The following KDM7A variants were observed in gnomAD, a reference collection of about 807,000 sequenced individuals.
KDM7A encodes lysine-specific demethylase 7A.
A neutral mutation model predicts 114.8 loss-of-function variants in KDM7A; 28 were observed. The observed-to-expected ratio is 0.24, with a 90% CI of 0.18 to 0.33. The LOEUF (loss-of-function observed/expected upper bound fraction) is 0.33, where lower values mean the gene tolerates loss of function less well. Ranked by LOEUF, KDM7A falls within the 10% of genes least tolerant of loss-of-function variation. KDM7A has a pLI of 1.00. For synonymous variants in KDM7A, 423 were observed against 397.8 expected, an observed-to-expected ratio of 1.06 and a Z score of -0.75; for missense variants, 942 against 1,142.5, an observed-to-expected ratio of 0.82 and a Z score of 2.53.
chr7:140,127,382 C>A, intron 5 of KDM7A, 60 bp downstream of exon 5: 3 of 1,389,872 alleles, frequency 2.2e-6, no homozygotes, highest in South Asian at 1.2e-5. Context: ...ATAAATACAT[C>A]ATTACACTAC....
intron 1 of KDM7A, among the ~76,000 whole-genome samples, chr7:140,162,276 G>C (rs1350327761): frequency 6.6e-6 from 1 of 151,624 alleles, no homozygotes; most frequent in Non-Finnish European, 1.5e-5. Flanking sequence ...CGGAAGTTGT[G>C]GTGAGCCAAG....
At chr7:140,111,067 G>C (rs757928347) in intron 11 of KDM7A, 28 bp downstream of exon 11, 2 of 1,218,676 alleles carry the variant, frequency 1.6e-6, no homozygotes, top group Middle Eastern at 1.9e-4. Context: ...TAATAATCAA[G>C]CATTTACATG....
chr7:140,095,446 A>G (rs1159864735), intron 17 of KDM7A, among the ~76,000 whole-genome samples: 1 of 152,282 alleles, frequency 6.6e-6, no homozygotes, highest in Non-Finnish European at 1.5e-5. Flanking sequence ...CTTTGAGATC[A>G]GATGGTCCTG....
intron 1 of KDM7A, among the ~76,000 whole-genome samples, chr7:140,161,669 C>T (rs542545424): frequency 1.3e-5 from 2 of 151,774 alleles, no homozygotes; most frequent in South Asian, 2.1e-4. Flanking sequence ...CTCAGCCTCC[C>T]GAGCAGCTGG....
chr7:140,157,613 A>G (rs1794472213), intron 1 of KDM7A, among the ~76,000 whole-genome samples: 1 of 152,104 alleles, frequency 6.6e-6, no homozygotes. Flanking sequence ...GTGATCATGC[A>G]ACAGCACTCC....
intron 1 of KDM7A, among the ~76,000 whole-genome samples, chr7:140,171,251 G>A (rs988857034): frequency 6.6e-6 from 1 of 150,926 alleles, no homozygotes; most frequent in Non-Finnish European, 1.5e-5. Context: ...ACGAGGTCAG[G>A]AGATCGAGAC....
chr7:140,123,132 C>G (rs897653318), intron 7 of KDM7A, among the ~76,000 whole-genome samples: 2 of 152,130 alleles, frequency 1.3e-5, no homozygotes, highest in African/African-American at 4.8e-5. Flanking sequence ...TAAGGAAATG[C>G]AAATCCAAAT....
In KDM7A at chr7:140,126,687, C is replaced by T. The variant is rs764065783; in HGVS notation, c.838G>A (p.Asp280Asn). Residue 280 changes from aspartate to asparagine, a missense_variant, in exon 6 of 20, where the codon GAT (aspartate) becomes AAT (asparagine). Asp to Asn is a conservative substitution (Grantham distance 23, BLOSUM62 1). Transcript: ENST00000397560. The stretch of plus-strand genomic sequence containing the variant: ...GTTCCACCGAAGTCAATGTGGAAAT[C>T]TGTATAGCTGTCTTGAACTCCCATT... ...CLMGVQDSYTDFHIDFGGTSV... is the reference protein window; with the variant it reads ...CLMGVQDSYTNFHIDFGGTSV... 5.6e-6 allele frequency: 9 copies of T among 1,613,508 alleles called. No homozygotes were observed. In the Admixed American group the frequency reaches 1.0e-4, roughly 18 times the overall value.
At chr7:140,144,425 G>A (rs1794317722) in intron 1 of KDM7A, among the ~76,000 whole-genome samples, 1 of 152,156 alleles carries the variant, frequency 6.6e-6, no homozygotes, top group African/African-American at 2.4e-5. Context: ...AAGTCTTCAA[G>A]GGTTCGGATC....
Position 140,176,797 on chromosome 7 carries a change from G to C in KDM7A, c.141C>G (p.Asp47Glu). 7.1e-7 allele frequency: 1 copy of C among 1,416,852 alleles called. No homozygotes were observed. The highest frequency in any genetic ancestry group is 9.4e-7 in the Non-Finnish European group (1 of 1,063,608). 87.8% of individuals were successfully genotyped at this position (1,416,852 alleles called of 1,614,324 possible). ...CGCACTCGATCATGAAGCGGTTCACGTCGTACGGCTGCCGGCACACACAGT... is the reference window on the plus strand; with the variant it reads ...CGCACTCGATCATGAAGCGGTTCACCTCGTACGGCTGCCGGCACACACAGT... ...PVYCVCRQPYDVNRFMIECDI... is the reference protein window; with the variant it reads ...PVYCVCRQPYEVNRFMIECDI... The change falls in exon 1 of 20, where the codon GAC becomes GAG. Residue 47 changes from aspartate (D) to glutamate (E), a missense_variant. By Grantham distance (45) the Asp-to-Glu change is conservative (BLOSUM62 2). Transcript: ENST00000397560. The surrounding 1 kb of genome is among the most constrained non-coding windows in gnomAD (Gnocchi z 4.4).
chr7:140,131,599 T>C (rs1278082445), intron 3 of KDM7A, among the ~76,000 whole-genome samples: 1 of 152,206 alleles, frequency 6.6e-6, no homozygotes, highest in African/African-American at 2.4e-5. Context: ...ACTCATCTAC[T>C]GAACTGGAGC....
intron 1 of KDM7A, among the ~76,000 whole-genome samples, chr7:140,144,238 C>T (rs1794315607): frequency 6.6e-6 from 1 of 152,092 alleles, no homozygotes. Context: ...GGCAAGAGTG[C>T]CAAGATCATT....
intron 7 of KDM7A, among the ~76,000 whole-genome samples, chr7:140,123,963 G>C (rs960792814): frequency 1.3e-5 from 2 of 151,834 alleles, no homozygotes; most frequent in African/African-American, 4.8e-5. Flanking sequence ...CCAGCTACTT[G>C]GAAGGCTGAG....
At chr7:140,174,173 A>AAAAAAG (rs1554402532) in intron 1 of KDM7A, among the ~76,000 whole-genome samples, 2 of 152,044 alleles carry the variant, frequency 1.3e-5, no homozygotes, top group Non-Finnish European at 2.9e-5. Flanking sequence ...CCAAAAAAAA[A>AAAAAAG]AAAAAGAAAA....
rs1162349977 is a variant in KDM7A, at chr7:140,085,296, G to A, written c.*5798C>T. The stretch of plus-strand genomic sequence containing the variant: ...GAAAAGTCAGTCAGGCTAGCAAAAC[G>A]TTACTACAAAACTAGTAAATACCAG... On this transcript the variant is annotated 3_prime_UTR_variant, in exon 20 of 20. Coordinates refer to ENST00000397560, the MANE Select transcript of KDM7A (RefSeq NM_030647.2). 1 of 152,128 alleles carries A rather than the reference G, an allele frequency of 6.6e-6. No homozygotes were observed. The highest frequency in any genetic ancestry group is 1.5e-5 in the Non-Finnish European group (1 of 68,026). 9.4% of individuals were successfully genotyped at this position (152,128 alleles called of 1,614,324 possible). A position where few individuals can be genotyped will look rare whatever the true frequency, so the allele number is the denominator to read the frequency against.
chr7:140,116,506 ATC>A (rs2116783255), intron 9 of KDM7A, among the ~76,000 whole-genome samples: 1 of 152,348 alleles, frequency 6.6e-6, no homozygotes, highest in South Asian at 2.1e-4. Flanking sequence ...GATAATGGTT[ATC>A]TCTAGAAGGG....
intron 2 of KDM7A, among the ~76,000 whole-genome samples, chr7:140,134,297 T>G (rs1818834957): frequency 6.6e-6 from 1 of 152,206 alleles, no homozygotes; most frequent in Non-Finnish European, 1.5e-5. Flanking sequence ...TCAGAAGATT[T>G]GGATTTGATT....
chr7:140,124,600 G>C (rs751734714), intron 7 of KDM7A, 21 bp downstream of exon 7: 3 of 1,586,522 alleles, frequency 1.9e-6, no homozygotes, highest in Non-Finnish European at 1.7e-6. Flanking sequence ...TGTTGAGTAG[G>C]GGATGGGATG....
chr7:140,146,833 T>A (rs140767289), intron 1 of KDM7A, among the ~76,000 whole-genome samples: 81 of 152,336 alleles, frequency 5.3e-4, no homozygotes, highest in African/African-American at 1.6e-3. Context: ...AGAACTGAAT[T>A]GAATTAATGA....
Sources: allele counts gnomAD v4.1 joint callset (sites outside exome capture counted in the v4.1 genomes callset), GRCh38; gene constraint gnomAD v4.1.1; non-coding constraint Gnocchi (gnomAD v3.1); transcripts MANE v1.5; gene names NCBI Gene and HGNC (gene_info 2026-07-23, HGNC 2026-07-21).